The following TMPRSS7 variants were observed in gnomAD, a reference collection of about 807,000 sequenced individuals.
The protein encoded by TMPRSS7 is transmembrane serine protease 7.
Under a neutral mutation model 95.6 loss-of-function variants are expected in TMPRSS7, and 81 were observed. The ratio of observed to expected loss-of-function variants is 0.85; its 90% CI spans 0.71 to 1.02. The LOEUF (loss-of-function observed/expected upper bound fraction) is 1.02, where lower values mean the gene tolerates loss of function less well. TMPRSS7 is among the 50% of genes least tolerant of loss of function. The pLI, the probability that TMPRSS7 is intolerant of heterozygous loss-of-function variation, is 0.00. For missense variants in TMPRSS7, 945 were observed against 955.2 expected (o/e 0.99, Z 0.14); for synonymous variants, 364 against 337.8 (o/e 1.08, Z -0.85).
chr3:112,044,222 A>C (rs1443821863), intron 3 of TMPRSS7, 33 bp from the exon 4 acceptor site: 2 of 1,454,670 alleles, frequency 1.4e-6, no homozygotes, highest in South Asian at 2.4e-5. Context: ...TCAAGTATGA[A>C]ATACTTCAGA....
At chr3:112,042,795 G>A (rs2073225882) in intron 3 of TMPRSS7, among the ~76,000 whole-genome samples, 1 of 152,194 alleles carries the variant, frequency 6.6e-6, no homozygotes, top group Non-Finnish European at 1.5e-5. Context: ...TTCTTTGTGA[G>A]TATCTCTGAC....
At chr3:112,050,684 A>G (rs1265871110) in exon 9 of TMPRSS7, 3 of 1,596,590 alleles carry the variant, frequency 1.9e-6, no homozygotes, top group Non-Finnish European at 2.6e-6. Flanking sequence ...GTGAAAACAC[A>G]GTGTTGGTCA....
rs2073579535 is a variant in TMPRSS7 at position 112,066,626 on chromosome 3, C to T, written c.1666+124C>T. ...TTGTCCCAGGTTCTCTGGAACTTCT[C>T]CAGTTTTAGCACTGAAAGTCCCTTG... On this transcript the variant is annotated intron_variant, in intron 13 of 17. Coordinates refer to ENST00000452346, the Ensembl canonical transcript of TMPRSS7. The T allele has an allele frequency of 5.0e-6, 4 of 805,104 alleles. No homozygotes were observed. The South Asian group carries it at 6.8e-5, about 14-fold the overall frequency. The allele number at this position is 805,104 out of a possible 1,614,324, so 49.9% of individuals were successfully genotyped here. A position where few individuals can be genotyped will look rare whatever the true frequency, so the allele number is the denominator to read the frequency against.
chr3:112,079,626 CAA>C (rs1002716499), intron 17 of TMPRSS7, among the ~76,000 whole-genome samples: 2 of 151,992 alleles, frequency 1.3e-5, no homozygotes, highest in Non-Finnish European at 2.9e-5. Context: ...TCAGGGAAGC[CAA>C]AAGATTGCAT....
intron 11 of TMPRSS7, 115 bp downstream of exon 11, chr3:112,062,038 CT>C: frequency 1.8e-6 from 1 of 549,006 alleles, no homozygotes; most frequent in Non-Finnish European, 2.7e-6. Flanking sequence ...CTGCTATTTC[CT>C]TTTACATACT....
chr3:112,049,567 T>C (rs2107742242), intron 7 of TMPRSS7, among the ~76,000 whole-genome samples: 1 of 152,320 alleles, frequency 6.6e-6, no homozygotes, highest in East Asian at 1.9e-4. Context: ...TTAGATACAC[T>C]ACTTTTATGC....
intron 1 of TMPRSS7, among the ~76,000 whole-genome samples, chr3:112,035,291 G>A (rs571604489): frequency 8.5e-5 from 13 of 152,108 alleles, no homozygotes; most frequent in South Asian, 2.1e-4. Context: ...TGATACCATC[G>A]ACAACTCATT....
exon 18 of TMPRSS7, chr3:112,081,001 G>A (rs1310789757): frequency 6.8e-6 from 11 of 1,613,646 alleles, no homozygotes; most frequent in Non-Finnish European, 9.3e-6. Context: ...ACATGGAAGT[G>A]GACGACCAAA....
At chr3:112,036,588 G>A (rs2073151889) in intron 1 of TMPRSS7, among the ~76,000 whole-genome samples, 1 of 151,734 alleles carries the variant, frequency 6.6e-6, no homozygotes, top group African/African-American at 2.4e-5. Context: ...AAGGAGGGGG[G>A]AGGGGCTGTG....
intron 11 of TMPRSS7, among the ~76,000 whole-genome samples, chr3:112,062,926 GA>G (rs1375223804): frequency 6.6e-6 from 1 of 152,188 alleles, no homozygotes; most frequent in Non-Finnish European, 1.5e-5. Flanking sequence ...TCATTAATCA[GA>G]AGCCTGGTTG....
Position 112,080,571 on chromosome 3 carries a change from T to C in TMPRSS7, c.2362-343T>C, listed in dbSNP as rs56806611. Among the ~76,000 whole-genome samples, 76 of 46,576 alleles carry C rather than the reference T, an allele frequency of 1.6e-3. 1 individual carries two copies. Among genetic ancestry groups the C allele is most frequent in the Admixed American group, 4.3e-3 (15 of 3,482 alleles). 30.6% of individuals were successfully genotyped at this position (46,576 alleles called of 152,430 possible). A position where few individuals can be genotyped will look rare whatever the true frequency, so the allele number is the denominator to read the frequency against. On this transcript the variant is annotated intron_variant, in intron 17 of 17. Transcript: ENST00000452346. The stretch of plus-strand genomic sequence containing the variant: ...ACCACCACTACTACTACTACTACTA[T>C]TACCACCACCACCACCACCATCACC...
intron 13 of TMPRSS7, among the ~76,000 whole-genome samples, chr3:112,071,481 G>C (rs1299740781): frequency 6.6e-6 from 1 of 152,116 alleles, no homozygotes; most frequent in Non-Finnish European, 1.5e-5. Flanking sequence ...TCCTGAATTT[G>C]AATGTTGGCC....
chr3:112,072,390 T>C (rs1035952999), intron 13 of TMPRSS7, among the ~76,000 whole-genome samples: 2 of 152,256 alleles, frequency 1.3e-5, no homozygotes, highest in Non-Finnish European at 2.9e-5. Flanking sequence ...TGGCCCCTAC[T>C]GGGAGGTGTC....
intron 15 of TMPRSS7, among the ~76,000 whole-genome samples, chr3:112,076,521 G>A (rs1445144013): frequency 6.6e-6 from 1 of 152,210 alleles, no homozygotes; most frequent in African/African-American, 2.4e-5. Context: ...TTGTCAGCAT[G>A]AATAGGAAGA....
chr3:112,042,126 A>G, intron 3 of TMPRSS7, 76 bp downstream of exon 3: 1 of 1,230,344 alleles, frequency 8.1e-7, no homozygotes, highest in East Asian at 2.6e-5. Context: ...GGAGGGGAAC[A>G]CAAGTGTCAC....
downstream of TMPRSS7, chr3:112,081,269 G>GAA (rs764048802): frequency 6.2e-4 from 74 of 118,964 alleles, no homozygotes; most frequent in East Asian, 1.0e-3. Flanking sequence ...TGTCTCTACT[G>GAA]AAAAAAAAAA....
intron 8 of TMPRSS7, among the ~76,000 whole-genome samples, chr3:112,050,285 G>A (rs747982181): frequency 6.6e-6 from 1 of 152,084 alleles, no homozygotes; most frequent in East Asian, 1.9e-4. Context: ...AAAGGAAAGA[G>A]GTTGAGATTA....
chr3:112,062,639 T>C (rs564479190), intron 11 of TMPRSS7, among the ~76,000 whole-genome samples: 2 of 152,332 alleles, frequency 1.3e-5, no homozygotes, highest in African/African-American at 4.8e-5. Flanking sequence ...AGATTAAGAA[T>C]ATTACATCCT....
At chr3:112,044,540 A>G (rs2073252729) in intron 4 of TMPRSS7, among the ~76,000 whole-genome samples, 1 of 152,274 alleles carries the variant, frequency 6.6e-6, no homozygotes, top group East Asian at 1.9e-4. Flanking sequence ...CCCCATAGCT[A>G]GAATCCTGAA....
Sources: allele counts gnomAD v4.1 joint callset (sites outside exome capture counted in the v4.1 genomes callset), GRCh38; gene constraint gnomAD v4.1.1; transcripts MANE v1.5; gene names NCBI Gene and HGNC (gene_info 2026-07-23, HGNC 2026-07-21).